TIAM2: variants seen among roughly 807,000 people sequenced by gnomAD.
TIAM2 encodes the protein rho guanine nucleotide exchange factor TIAM2.
A neutral mutation model predicts 152.9 loss-of-function variants in TIAM2; 80 were observed. The observed-to-expected ratio is 0.52, with a 90% CI of 0.44 to 0.63. TIAM2 has a LOEUF of 0.63. Among genes scored for constraint, TIAM2 ranks in the 30% least tolerant of loss-of-function variants. TIAM2 has a pLI of 0.00. For synonymous variants in TIAM2, 804 were observed against 838.0 expected (o/e 0.96, Z 0.70); for missense variants, 1,965 against 2,120.1 (o/e 0.93, Z 1.44).
intron 15 of TIAM2, chr6:155,232,758 T>C (rs1366273634): frequency 6.6e-6 from 1 of 152,196 alleles, no homozygotes; most frequent in African/African-American, 2.4e-5. Context: ...TACTGCAAAG[T>C]GACGGGACCA....
At chr6:155,255,398 TTAAC>T (rs1475723939) in intron 26 of TIAM2, 1 of 152,206 alleles carries the variant, frequency 6.6e-6, no homozygotes, top group Non-Finnish European at 1.5e-5. Flanking sequence ...TATTTCTACA[TTAAC>T]TATTTTGTTA....
intron 2 of TIAM2, among the ~76,000 whole-genome samples, chr6:155,120,075 G>A (rs1478782686): frequency 1.3e-5 from 2 of 152,154 alleles, no homozygotes; most frequent in Admixed American, 6.5e-5. Flanking sequence ...GTGTGAGTGT[G>A]GAGATCCTCC....
At chr6:155,169,381 A>G (rs950054662) in intron 9 of TIAM2, among the ~76,000 whole-genome samples, 3 of 152,246 alleles carry the variant, frequency 2.0e-5, no homozygotes, top group Non-Finnish European at 4.4e-5. Context: ...TGGTCCCAGT[A>G]GGTATTCTCT....
At chr6:155,042,794 A>C (rs892861623) in intron 1 of TIAM2, among the ~76,000 whole-genome samples, 31 of 81,350 alleles carry the variant, frequency 3.8e-4, no homozygotes, top group African/African-American at 1.6e-3. Flanking sequence ...ATCTACTCTC[A>C]GCATTTTTCA....
chr6:155,141,917 C>T (rs1398045110), intron 5 of TIAM2, among the ~76,000 whole-genome samples: 5 of 152,218 alleles, frequency 3.3e-5, no homozygotes, highest in African/African-American at 1.2e-4. Flanking sequence ...TATTCTTGTA[C>T]TGCCATTGCT....
At chr6:155,029,114 ATACACT>A in intron 1 of TIAM2, among the ~76,000 whole-genome samples, 1 of 97,162 alleles carries the variant, frequency 1.0e-5, no homozygotes, top group East Asian at 2.4e-4. Flanking sequence ...TGTGTTATAT[ATACACT>A]GTATGTACTA....
chr6:155,217,314 G>A (rs986680264), intron 15 of TIAM2, among the ~76,000 whole-genome samples: 6 of 152,192 alleles, frequency 3.9e-5, no homozygotes, highest in Admixed American at 1.3e-4. Context: ...TTGGATACCC[G>A]TTCTGTGGCG....
intron 14 of TIAM2, among the ~76,000 whole-genome samples, chr6:155,208,573 T>C (rs1366131251): frequency 3.3e-5 from 5 of 152,174 alleles, no homozygotes; most frequent in East Asian, 3.8e-4. Flanking sequence ...AGACTCAGCA[T>C]TGCAGAAGCT....
At chr6:155,167,232 TC>T (rs1780466232) in intron 9 of TIAM2, among the ~76,000 whole-genome samples, 1 of 151,980 alleles carries the variant, frequency 6.6e-6, no homozygotes, top group African/African-American at 2.4e-5. Flanking sequence ...AATTTTTTTT[TC>T]TTTTTTGAGA....
rs1562295199 is a variant in TIAM2, at chr6:155,029,483, TACTATAG to T, written c.-209+33992_-209+33998del. 3.2e-4 allele frequency among the ~76,000 whole-genome samples: 9 copies of T among 27,988 alleles called. 1 individual carries two copies. Among genetic ancestry groups the T allele is most frequent in the African/African-American group, 1.3e-3 (7 of 5,350 alleles). The allele number at this position is 27,988 out of a possible 152,430, so 18.4% of individuals were successfully genotyped here. On this transcript the variant is annotated intron_variant, in intron 1 of 26. Transcript: ENST00000682666. Reference sequence around the variant, plus strand: ...TATATAATATATACTATAGTATATATACTATAGTATATATTATATATAATATATACTA... The same window carrying T: ...TATATAATATATACTATAGTATATATTATATATTATATATAATATATACTA...
intron 1 of TIAM2, among the ~76,000 whole-genome samples, chr6:155,078,531 C>T (rs1778001682): frequency 6.6e-6 from 1 of 152,198 alleles, no homozygotes; most frequent in South Asian, 2.1e-4. Context: ...CCCATGCTGT[C>T]CTCCTTATGG....
chr6:155,037,168 G>A (rs1002537777), intron 1 of TIAM2, among the ~76,000 whole-genome samples: 18 of 152,104 alleles, frequency 1.2e-4, no homozygotes, highest in African/African-American at 4.3e-4. Flanking sequence ...ACTATTGCTT[G>A]TAAATGTTCA....
chr6:155,250,892 C>A (rs41284224), intron 21 of TIAM2, 21 bp from the exon 22 acceptor site: 1 of 1,608,252 alleles, frequency 6.2e-7, no homozygotes, highest in Admixed American at 1.7e-5. Context: ...ATCTTCCTTA[C>A]CTCCTGTTTT....
intron 16 of TIAM2, among the ~76,000 whole-genome samples, chr6:155,242,667 C>CA (rs1211661893): frequency 2.0e-5 from 3 of 152,162 alleles, no homozygotes; most frequent in Non-Finnish European, 4.4e-5. Flanking sequence ...TTTTAGGACT[C>CA]AAAATTCTTC....
At position 155,218,840 on chromosome 6, in the gene TIAM2, C is replaced by T. The variant is rs1481868641; in HGVS notation, c.3168+7533C>T. 1.3e-5 allele frequency among the ~76,000 whole-genome samples: 2 copies of T among 151,350 alleles called. No individual in the cohort carries two copies. The highest frequency in any genetic ancestry group is 4.9e-5 in the African/African-American group (2 of 41,148). On this transcript the variant is annotated intron_variant, in intron 15 of 26. Coordinates refer to ENST00000682666, the MANE Select transcript of TIAM2 (RefSeq NM_012454.4). The surrounding 1 kb of genome is among the most constrained non-coding windows in gnomAD (Gnocchi z 4.5). ...TGTTCTTGACCATCTCAGCCATCCA[C>T]CCGTGTTCTCGACCATCTCAGCCGC... is the stretch of plus-strand genomic sequence containing the variant.
chr6:155,148,922 C>T (rs1779882035), intron 7 of TIAM2, among the ~76,000 whole-genome samples: 1 of 152,168 alleles, frequency 6.6e-6, no homozygotes, highest in Non-Finnish European at 1.5e-5. Context: ...TCCCTTTGCT[C>T]AGACAACCTA....
At chr6:155,127,710 G>T in intron 3 of TIAM2, 110 bp downstream of exon 3, 1 of 420,010 alleles carries the variant, frequency 2.4e-6, no homozygotes, top group Non-Finnish European at 4.7e-6. Flanking sequence ...TAAAATATTT[G>T]ATAATTACCA....
chr6:155,036,538 G>A (rs971565134), intron 1 of TIAM2, among the ~76,000 whole-genome samples: 3 of 150,240 alleles, frequency 2.0e-5, no homozygotes, highest in Non-Finnish European at 3.0e-5. Context: ...AAAAAAGAGT[G>A]TGTTGACCTC....
intron 1 of TIAM2, among the ~76,000 whole-genome samples, chr6:155,060,019 G>T (rs59375419): frequency 6.6e-6 from 1 of 152,118 alleles, no homozygotes; most frequent in African/African-American, 2.4e-5. Context: ...AGTTTCACCC[G>T]CTGCCTACTA....
Sources: gnomAD v4.1 joint callset for allele counts (sites outside exome capture counted in the v4.1 genomes callset) on GRCh38, gnomAD v4.1.1 for gene constraint, Gnocchi (gnomAD v3.1) non-coding constraint, MANE v1.5 for transcripts, NCBI Gene and HGNC (gene_info 2026-07-23, HGNC 2026-07-21) for gene names.